The following AFF2 variants were observed in gnomAD, a reference collection of about 807,000 sequenced individuals.
The protein encoded by AFF2 is AF4/FMR2 family member 2.
AFF2 carries 14 observed loss-of-function variants against 76.9 expected under a neutral mutation model. The observed-to-expected ratio is 0.18, with a 90% confidence interval of 0.12 to 0.28. The LOEUF (loss-of-function observed/expected upper bound fraction) is 0.28, where lower values mean the gene tolerates loss of function less well. Among genes scored for constraint, AFF2 ranks in the 10% least tolerant of loss-of-function variants. The pLI, the probability that AFF2 is intolerant of heterozygous loss-of-function variation, is 1.00. For synonymous variants in AFF2, 398 were observed against 366.7 expected (o/e 1.09, Z -0.98); for missense variants, 868 against 1,001.1 (o/e 0.87, Z 1.79).
At chrX:148,958,826 T>C (rs182497392) in intron 12 of AFF2, among the ~76,000 whole-genome samples, 14 of 111,060 alleles carry the variant, frequency 1.3e-4, no homozygotes, top group African/African-American at 4.6e-4. Context: ...ATCACCTGCT[T>C]CTACCCAACA....
At chrX:148,752,746 A>G (rs2124577415) in intron 3 of AFF2, among the ~76,000 whole-genome samples, 1 of 111,888 alleles carries the variant, frequency 8.9e-6, no homozygotes, top group Non-Finnish European at 1.9e-5. Flanking sequence ...TTTTTATTTT[A>G]ACTTCATGGA....
intron 1 of AFF2, among the ~76,000 whole-genome samples, chrX:148,645,055 G>C (rs1056432946): frequency 1.7e-4 from 19 of 111,929 alleles, no homozygotes; most frequent in Non-Finnish European, 3.0e-4. Context: ...TAGTGTCTCT[G>C]TCTCAAAGGT....
At chrX:148,607,398 A>G (rs1474478247) in intron 1 of AFF2, among the ~76,000 whole-genome samples, 2 of 110,675 alleles carry the variant, frequency 1.8e-5, no homozygotes, top group Non-Finnish European at 3.8e-5. Context: ...TGTTTTCGTG[A>G]TAGTGAATAA....
intron 3 of AFF2, among the ~76,000 whole-genome samples, chrX:148,685,795 A>T (rs781785277): frequency 1.7e-4 from 19 of 110,710 alleles, no homozygotes; most frequent in South Asian, 3.8e-4. Flanking sequence ...CATTTTTTTT[A>T]AAATTACCGG....
chrX:148,536,141 T>C (rs1463026418), intron 1 of AFF2, among the ~76,000 whole-genome samples: 1 of 106,295 alleles, frequency 9.4e-6, no homozygotes, highest in African/African-American at 3.5e-5. Flanking sequence ...ACCCAGGAGG[T>C]GGAGGTTGCA....
intron 7 of AFF2, among the ~76,000 whole-genome samples, chrX:148,882,095 T>G (rs1557278546): frequency 1.8e-5 from 2 of 111,581 alleles, no homozygotes. Context: ...CTCTTCAAAA[T>G]CATCTAAGCA....
chrX:148,501,475 C>A (rs782303901), intron 1 of AFF2, among the ~76,000 whole-genome samples: 3 of 113,100 alleles, frequency 2.7e-5, no homozygotes, highest in Admixed American at 1.8e-4. Context: ...AGCGGCTTGC[C>A]GGTCTGGCCT....
chrX:148,673,754 A>T (rs971453080), intron 3 of AFF2, among the ~76,000 whole-genome samples: 3 of 111,703 alleles, frequency 2.7e-5, no homozygotes, highest in East Asian at 5.6e-4. Flanking sequence ...TTTTGGAGGG[A>T]GGTGGGCTTC....
At chrX:148,620,218 C>G (rs1326776518) in intron 1 of AFF2, among the ~76,000 whole-genome samples, 1 of 110,704 alleles carries the variant, frequency 9.0e-6, no homozygotes, top group Admixed American at 9.6e-5. Flanking sequence ...ACTCAGTAGT[C>G]TAGTAAGTGA....
chrX:148,648,145 G>A (rs926193979), intron 1 of AFF2, among the ~76,000 whole-genome samples: 4 of 112,044 alleles, frequency 3.6e-5, no homozygotes, highest in Non-Finnish European at 5.6e-5. Context: ...GCTTGATGAC[G>A]GCTTGAGACA....
At chrX:148,812,628 C>A (rs1351852292) in intron 4 of AFF2, among the ~76,000 whole-genome samples, 2 of 111,268 alleles carry the variant, frequency 1.8e-5, no homozygotes, top group Non-Finnish European at 3.8e-5. Flanking sequence ...CCTGATCCCC[C>A]TTTTTTCCCT....
At position 148,688,643 on chromosome X, in the gene AFF2, C is replaced by T. The variant is rs782723847; in HGVS notation, c.1041+25875C>T. Among the ~76,000 whole-genome samples, 13 of 111,232 alleles carry T rather than the reference C, an allele frequency of 1.2e-4. No individual in the cohort carries two copies. The East Asian group carries it at 1.7e-3, about 15-fold the overall frequency. On this transcript the variant is annotated intron_variant, in intron 3 of 20. Transcript: ENST00000370460. The stretch of plus-strand genomic sequence containing the variant: ...GGGCCTAATAAATATAGTCATGAAT[C>T]ACTTAACAACAGGGATGCGTTCTGA...
At chrX:148,867,330 G>A (rs782809972) in intron 7 of AFF2, among the ~76,000 whole-genome samples, 1 of 112,120 alleles carries the variant, frequency 8.9e-6, no homozygotes, top group East Asian at 2.8e-4. Flanking sequence ...CCACCTGGAG[G>A]TCCCTGGAGA....
chrX:148,920,382 C>T (rs986558478), intron 9 of AFF2, among the ~76,000 whole-genome samples: 3 of 111,572 alleles, frequency 2.7e-5, no homozygotes, highest in South Asian at 3.7e-4. Flanking sequence ...AATTACTATC[C>T]TAGGGATTTA....
At chrX:148,594,739 G>C (rs1342599756) in intron 1 of AFF2, among the ~76,000 whole-genome samples, 2 of 112,078 alleles carry the variant, frequency 1.8e-5, no homozygotes, top group African/African-American at 3.2e-5. Flanking sequence ...GGAGTGAAGA[G>C]GGTATAAAAT....
intron 3 of AFF2, among the ~76,000 whole-genome samples, chrX:148,804,960 G>A: frequency 8.9e-6 from 1 of 111,812 alleles, no homozygotes; most frequent in Non-Finnish European, 1.9e-5. Context: ...CATAATGCAT[G>A]CAAATAAGAA....
intron 1 of AFF2, among the ~76,000 whole-genome samples, chrX:148,643,727 T>C (rs1293747810): frequency 9.0e-6 from 1 of 111,229 alleles, no homozygotes; most frequent in Non-Finnish European, 1.9e-5. Flanking sequence ...AAATCAGACA[T>C]TCCATAGTTG....
intron 7 of AFF2, among the ~76,000 whole-genome samples, chrX:148,866,558 G>A (rs1433816806): frequency 8.9e-6 from 1 of 112,028 alleles, no homozygotes; most frequent in East Asian, 2.8e-4. Context: ...CTCCTGAGAG[G>A]GCTAAAGTCT....
chrX:148,803,516 G>C (rs1298270290), intron 3 of AFF2, among the ~76,000 whole-genome samples: 2 of 111,508 alleles, frequency 1.8e-5, no homozygotes, highest in Non-Finnish European at 3.8e-5. Context: ...TTCCAGATAG[G>C]TTCTTGATTT....
Sources: gnomAD v4.1 joint callset for allele counts (sites outside exome capture counted in the v4.1 genomes callset) on GRCh38, gnomAD v4.1.1 for gene constraint, MANE v1.5 for transcripts, NCBI Gene and HGNC (gene_info 2026-07-23, HGNC 2026-07-21) for gene names.